RPS6KC1: variants seen among roughly 807,000 people sequenced by gnomAD.
The protein encoded by RPS6KC1 is inactive ribosomal protein S6 kinase delta-1.
RPS6KC1 carries 54 observed loss-of-function variants against 103.8 expected under a neutral mutation model. The ratio of observed to expected loss-of-function variants is 0.52; its 90% CI spans 0.42 to 0.65. The LOEUF (loss-of-function observed/expected upper bound fraction) is 0.65, where lower values mean the gene tolerates loss of function less well. Ranked by LOEUF, RPS6KC1 falls within the 30% of genes least tolerant of loss-of-function variation. RPS6KC1 has a pLI of 0.00. For missense variants in RPS6KC1, 1,151 were observed against 1,253.8 expected (o/e 0.92, Z 1.24); for synonymous variants, 439 against 438.7 (o/e 1.00, Z -0.01).
chr1:213,148,638 C>CT (rs900104881), intron 6 of RPS6KC1, among the ~76,000 whole-genome samples: 24 of 151,868 alleles, frequency 1.6e-4, no homozygotes, highest in African/African-American at 5.3e-4. Flanking sequence ...CTATGGTTTT[C>CT]TTTTTTTTGG....
At chr1:213,848,533 T>C in the RPS6KC1 span, among the ~76,000 whole-genome samples, 1,076 of 152,244 alleles carry the variant, frequency 7.1e-3, 15 homozygotes, top group African/African-American at 0.025. Flanking sequence ...GTGTATATAC[T>C]ATATGTGTAT....
chr1:213,589,907 G>A, the RPS6KC1 span, among the ~76,000 whole-genome samples: 1 of 91,466 alleles, frequency 1.1e-5, no homozygotes, highest in South Asian at 4.2e-4. Flanking sequence ...GTGGGCATGT[G>A]TTTTGCCTTA....
the RPS6KC1 span, among the ~76,000 whole-genome samples, chr1:213,740,512 T>C: frequency 6.6e-6 from 1 of 152,118 alleles, no homozygotes; most frequent in South Asian, 2.1e-4. Context: ...GGATTCAGCT[T>C]CGTCCTTGGA....
chr1:213,512,902 G>A, the RPS6KC1 span, among the ~76,000 whole-genome samples: 1 of 152,188 alleles, frequency 6.6e-6, no homozygotes, highest in Non-Finnish European at 1.5e-5. Flanking sequence ...TGGCCTCTGT[G>A]TCAACTGGAA....
At chr1:213,070,385 G>A (rs1262681986) in intron 1 of RPS6KC1, among the ~76,000 whole-genome samples, 1 of 152,184 alleles carries the variant, frequency 6.6e-6, no homozygotes, top group Non-Finnish European at 1.5e-5. Flanking sequence ...ATGAACTTTA[G>A]CATGTGGACT....
At chr1:213,084,286 T>G (rs542443296) in intron 3 of RPS6KC1, among the ~76,000 whole-genome samples, 1 of 152,312 alleles carries the variant, frequency 6.6e-6, no homozygotes, top group African/African-American at 2.4e-5. Context: ...TCTAACTTTT[T>G]TGAGACAGGG....
the RPS6KC1 span, among the ~76,000 whole-genome samples, chr1:213,576,454 T>C: frequency 6.6e-6 from 1 of 151,486 alleles, no homozygotes; most frequent in Non-Finnish European, 1.5e-5. Flanking sequence ...TCCAATGGCA[T>C]GTATTCACTT....
chr1:213,647,675 T>C, the RPS6KC1 span, among the ~76,000 whole-genome samples: 8 of 152,338 alleles, frequency 5.3e-5, no homozygotes, highest in African/African-American at 1.9e-4. Flanking sequence ...GGGTAATCTA[T>C]TAATCCAAAG....
chr1:213,695,024 G>A, the RPS6KC1 span, among the ~76,000 whole-genome samples: 1 of 152,126 alleles, frequency 6.6e-6, no homozygotes, highest in Non-Finnish European at 1.5e-5. Context: ...GAAATGGAAG[G>A]TCTCGGAAGA....
At chr1:213,610,306 T>C in the RPS6KC1 span, among the ~76,000 whole-genome samples, 1 of 152,200 alleles carries the variant, frequency 6.6e-6, no homozygotes, top group Middle Eastern at 3.2e-3. Flanking sequence ...GGAGAAGTGA[T>C]GGCAGACTAA....
chr1:213,740,011 C>T, the RPS6KC1 span, among the ~76,000 whole-genome samples: 4 of 151,938 alleles, frequency 2.6e-5, no homozygotes, highest in East Asian at 5.8e-4. Context: ...AATGAGAAAA[C>T]CAGAGGTAAG....
At chr1:213,530,507 G>C in the RPS6KC1 span, among the ~76,000 whole-genome samples, 4 of 145,448 alleles carry the variant, frequency 2.8e-5, no homozygotes, top group Non-Finnish European at 4.6e-5. Context: ...AGCTCTAGTA[G>C]AGTCAGAGCA....
At chr1:213,136,155 T>C (rs2086247413) in intron 6 of RPS6KC1, among the ~76,000 whole-genome samples, 1 of 152,222 alleles carries the variant, frequency 6.6e-6, no homozygotes, top group African/African-American at 2.4e-5. Flanking sequence ...CTTTCTCTTA[T>C]TTGATTTTAT....
At chr1:213,228,052 C>T (rs985195515) in intron 8 of RPS6KC1, among the ~76,000 whole-genome samples, 8 of 152,036 alleles carry the variant, frequency 5.3e-5, no homozygotes, top group Admixed American at 1.3e-4. Context: ...ATAAAGAGCT[C>T]GAAGTCTCAC....
At chr1:213,770,749 T>G in the RPS6KC1 span, among the ~76,000 whole-genome samples, 1 of 152,202 alleles carries the variant, frequency 6.6e-6, no homozygotes, top group Non-Finnish European at 1.5e-5. Context: ...CACCCTGTAA[T>G]GGGATGCTTT....
At chr1:213,296,791 A>G in the RPS6KC1 span, among the ~76,000 whole-genome samples, 1 of 152,182 alleles carries the variant, frequency 6.6e-6, no homozygotes, top group Non-Finnish European at 1.5e-5. Context: ...AGGCTTATCA[A>G]AAGGGATCAG....
At chr1:213,511,182 T>C in the RPS6KC1 span, among the ~76,000 whole-genome samples, 3 of 63,928 alleles carry the variant, frequency 4.7e-5, no homozygotes, top group South Asian at 4.0e-4. Context: ...GAGGAATGTC[T>C]TTTTTTTTTT....
the RPS6KC1 span, among the ~76,000 whole-genome samples, chr1:213,496,124 A>G: frequency 6.6e-6 from 1 of 152,198 alleles, no homozygotes; most frequent in African/African-American, 2.4e-5. Context: ...AGAAATAAAA[A>G]CTAGAGAAGT....
chr1:213,322,541 C>G, the RPS6KC1 span, among the ~76,000 whole-genome samples: 1 of 152,108 alleles, frequency 6.6e-6, no homozygotes, highest in Non-Finnish European at 1.5e-5. Flanking sequence ...AACAAATTAC[C>G]ACAAATGTAG....
Sources: gnomAD v4.1 joint callset for allele counts (sites outside exome capture counted in the v4.1 genomes callset) on GRCh38, gnomAD v4.1.1 for gene constraint, MANE v1.5 for transcripts, NCBI Gene and HGNC (gene_info 2026-07-23, HGNC 2026-07-21) for gene names.